CCHCR1: variants seen among roughly 807,000 people sequenced by gnomAD.
CCHCR1 encodes coiled-coil alpha-helical rod protein 1, also known as HCR (a-helix coiled-coil rod homologue).
In CCHCR1, 91 loss-of-function variants were observed where a neutral mutation model predicts 114.6. That is an observed-to-expected ratio of 0.79 (90% CI 0.67 to 0.94). CCHCR1 has a LOEUF of 0.94. CCHCR1 is among the 40% of genes least tolerant of loss of function. CCHCR1 has a pLI of 0.00. For synonymous variants in CCHCR1, 379 were observed against 428.5 expected (o/e 0.88, Z 1.43); for missense variants, 899 against 1,079.9 (o/e 0.83, Z 2.35).
At position 31,156,905 on chromosome 6, in the gene CCHCR1, C is replaced by A; in HGVS notation, c.323G>T (p.Arg108Leu). The change falls in exon 3 of 18, where the codon CGG becomes CTG. Residue 108 changes from arginine (R) to leucine (L), a missense_variant. By Grantham distance (102) the Arg-to-Leu change is moderately radical (BLOSUM62 -2). Transcript: ENST00000396268. ...CATTCTTGGCAGAGTTGAAAGGGGC[C>A]GAGCTTGAAAGTGGGAGGGGGGAAT... is the stretch of plus-strand genomic sequence containing the variant. ...GLIPPSHFQA[R>L]PLSTLPRMAP... The A allele has an allele frequency of 6.2e-7, 1 of 1,612,812 alleles. No homozygotes were observed. The highest frequency in any genetic ancestry group is 2.2e-5 in the East Asian group (1 of 44,884).
rs1775637493 is a variant in CCHCR1 at position 31,154,028 on chromosome 6, C to A, written c.801+468G>T. Among the ~76,000 whole-genome samples, 1 of 152,196 alleles carries A rather than the reference C, an allele frequency of 6.6e-6. No individual in the cohort carries two copies. The highest frequency in any genetic ancestry group is 1.5e-5 in the Non-Finnish European group (1 of 68,046). ...ATTAAATGTGGATGTGTATATCCCC[C>A]ACGAGGCTGTCAGTTCCATCCACGA... On this transcript the variant is annotated intron_variant, in intron 4 of 17. Coordinates refer to ENST00000396268, the MANE Select transcript of CCHCR1 (RefSeq NM_001105564.2). This position sits in a 1 kb window ranked among gnomAD's most constrained non-coding sequence, Gnocchi z 4.1.
rs765471786 is a variant in CCHCR1, at chr6:31,154,464, T to C, written c.801+32A>G. Reference sequence around the variant, plus strand: ...GAAGCTACTGCCCAGCTCTCCGTTATGAATTTGAATCCTTTCTACCCCTGC... The same window carrying C: ...GAAGCTACTGCCCAGCTCTCCGTTACGAATTTGAATCCTTTCTACCCCTGC... On this transcript the variant is annotated intron_variant, in intron 4 of 17. Transcript: ENST00000396268. The surrounding 1 kb of genome is among the most constrained non-coding windows in gnomAD (Gnocchi z 4.1). 37 of 1,568,912 alleles carry C rather than the reference T, an allele frequency of 2.4e-5. No homozygotes were observed. The South Asian group carries it at 4.2e-4, about 18-fold the overall frequency.
intron 8 of CCHCR1, among the ~76,000 whole-genome samples, 185 bp downstream of exon 8, chr6:31,149,881 T>C (rs1327093230): frequency 1.3e-5 from 2 of 152,206 alleles, no homozygotes; most frequent in Admixed American, 6.5e-5. Context: ...TTACCCAACA[T>C]TATCTGTTTA....
Position 31,151,216 on chromosome 6 carries a change from G to T in CCHCR1, c.802-94C>A. 3 of 1,375,142 alleles carry T rather than the reference G, an allele frequency of 2.2e-6. No homozygotes were observed. The highest frequency in any genetic ancestry group is 2.8e-5 in the South Asian group (2 of 72,640). The allele number at this position is 1,375,142 out of a possible 1,614,324, so 85.2% of individuals were successfully genotyped here. A position where few individuals can be genotyped will look rare whatever the true frequency, so the allele number is the denominator to read the frequency against. ...CCCACTTTCTGTGACCTTAGAGAAT[G>T]ACCCAACCAATCAGCCAACTGTGCA... On this transcript the variant is annotated intron_variant, in intron 4 of 17. Transcript: ENST00000396268. This position sits in a 1 kb window ranked among gnomAD's most constrained non-coding sequence, Gnocchi z 4.1.
At chr6:31,145,911 A>G in intron 10 of CCHCR1, 103 bp from the exon 11 acceptor site, 2 of 704,224 alleles carry the variant, frequency 2.8e-6, no homozygotes, top group Admixed American at 2.3e-5. Flanking sequence ...CCCATTATAC[A>G]AGTACAGAAC....
Position 31,148,391 on chromosome 6 carries a change from T to A in CCHCR1, c.1580+14A>T. 47 of 1,460,286 alleles carry A rather than the reference T, an allele frequency of 3.2e-5. No individual in the cohort carries two copies. The highest frequency in any genetic ancestry group is 4.1e-5 in the Non-Finnish European group (43 of 1,049,910). 90.5% of individuals were successfully genotyped at this position (1,460,286 alleles called of 1,614,324 possible). A position where few individuals can be genotyped will look rare whatever the true frequency, so the allele number is the denominator to read the frequency against. ...GCAGAAACACTACTCCACCCACCCCTCCATCCCTGATACCTGCTGACAGCA... is the reference window on the plus strand; with the variant it reads ...GCAGAAACACTACTCCACCCACCCCACCATCCCTGATACCTGCTGACAGCA... On this transcript the variant is annotated intron_variant, in intron 10 of 17. Coordinates refer to ENST00000396268, the MANE Select transcript of CCHCR1 (RefSeq NM_001105564.2).
intron 3 of CCHCR1, 49 bp downstream of exon 3, chr6:31,156,682 A>G (rs760865845): frequency 2.0e-6 from 3 of 1,488,786 alleles, no homozygotes; most frequent in East Asian, 2.3e-5. Flanking sequence ...CCAGTGAGGA[A>G]GGGTCACTAG....
At chr6:31,146,277 G>A (rs980224964) in intron 10 of CCHCR1, among the ~76,000 whole-genome samples, 62 of 152,136 alleles carry the variant, frequency 4.1e-4, no homozygotes, top group African/African-American at 1.3e-3. Context: ...CCTAGGAGGT[G>A]GAGGTTCCAG....
At chr6:31,147,555 AGTT>A (rs1357712902) in intron 10 of CCHCR1, among the ~76,000 whole-genome samples, 1 of 152,206 alleles carries the variant, frequency 6.6e-6, no homozygotes, top group Non-Finnish European at 1.5e-5. Context: ...ACAACTAGGA[AGTT>A]GGTAGGAGAG....
intron 3 of CCHCR1, among the ~76,000 whole-genome samples, chr6:31,155,600 T>A (rs143166791): frequency 0.065 from 903 of 13,950 alleles, 28 homozygotes; most frequent in East Asian, 0.27. Flanking sequence ...TGAGACTCCA[T>A]CTCAAAAAAA....
rs1775755064 is a variant in CCHCR1, at chr6:31,154,789, G to A, written c.508C>T (p.Leu170=). 1.2e-6 allele frequency: 2 copies of A among 1,602,728 alleles called. No homozygotes were observed. Among genetic ancestry groups the A allele is most frequent in the Admixed American group, 1.7e-5 (1 of 59,904 alleles). The change falls in exon 4 of 18, where the codon CTG becomes TTG. Residue 170 remains leucine (L), a synonymous_variant. Coordinates refer to ENST00000396268, the MANE Select transcript of CCHCR1 (RefSeq NM_001105564.2). The surrounding 1 kb of genome is among the most constrained non-coding windows in gnomAD (Gnocchi z 4.1). ...EPGRRGRSWG[L]EGSQALSQQA... is the part of the protein sequence containing the mutation. The stretch of plus-strand genomic sequence containing the variant: ...TGGCTCAGGGCCTGTGACCCCTCCA[G>A]CCCCCAGGACCTTCAAAGACAGGTT...
In CCHCR1 at chr6:31,143,796, C is replaced by T. The variant is rs114051577; in HGVS notation, c.2168-383G>A. Among the ~76,000 whole-genome samples, 266 of 152,312 alleles carry T rather than the reference C, an allele frequency of 1.7e-3. 1 individual carries two copies. Among genetic ancestry groups the T allele is most frequent in the African/African-American group, 6.2e-3 (259 of 41,572 alleles). On this transcript the variant is annotated intron_variant, in intron 15 of 17. Transcript: ENST00000396268. The surrounding 1 kb of genome is among the most constrained non-coding windows in gnomAD (Gnocchi z 5.3). ...TACAACTTACTTAGGCGTGGTGGCT[C>T]ACGCCTATAATCCCAGCACTTTGGG...
At chr6:31,155,830 T>C (rs1280665463) in intron 3 of CCHCR1, among the ~76,000 whole-genome samples, 1 of 152,156 alleles carries the variant, frequency 6.6e-6, no homozygotes, top group African/African-American at 2.4e-5. Flanking sequence ...CACCCAGGCC[T>C]CAATGCAGTG....
chr6:31,153,946 G>A (rs1295735107), intron 4 of CCHCR1, among the ~76,000 whole-genome samples: 1 of 152,176 alleles, frequency 6.6e-6, no homozygotes, highest in Non-Finnish European at 1.5e-5. Flanking sequence ...CTAAGTTAGT[G>A]CTTTCTAGTC....
At chr6:31,153,256 G>GA (rs1316297824) in intron 4 of CCHCR1, among the ~76,000 whole-genome samples, 2 of 152,120 alleles carry the variant, frequency 1.3e-5, no homozygotes, top group Non-Finnish European at 2.9e-5. Flanking sequence ...TTACAGGCAT[G>GA]AGCCACTGTG....
rs771049178 is a variant in CCHCR1, at chr6:31,150,530, G to C, written c.1137C>G (p.Thr379=). ...LQEDRDSLHA[T]AELLQVRVQS... ...GCACCCGCACCTGCAGCAGCTCCGC[G>C]GTGGCATGCAGGCTGTCCCGGTCCT... Residue 379 remains threonine, a synonymous_variant, in exon 7 of 18, where the codon ACC becomes ACG. Transcript: ENST00000396268. The surrounding 1 kb of genome is among the most constrained non-coding windows in gnomAD (Gnocchi z 5.3). 2 of 1,612,288 alleles carry C rather than the reference G, an allele frequency of 1.2e-6. No individual in the cohort carries two copies.
chr6:31,142,939 G>A, intron 17 of CCHCR1, 24 bp downstream of exon 17: 1 of 1,607,530 alleles, frequency 6.2e-7, no homozygotes, highest in Non-Finnish European at 8.5e-7. Context: ...TTTGTCCCTT[G>A]TCCCTTTGTG....
Position 31,145,716 on chromosome 6 carries a change from C to G in CCHCR1, c.1673G>C (p.Arg558Pro), listed in dbSNP as rs762611519. 6.2e-7 allele frequency: 1 copy of G among 1,613,082 alleles called. No individual in the cohort carries two copies. ...CGCACCCCGAATGGTGTGGACCTTG[C>G]GGACAGCATAGCTGAGTCGGTTGTT... is the stretch of plus-strand genomic sequence containing the variant. ...SLNNRLSYAVRKVHTIRGLIA... is the reference protein window; with the variant it reads ...SLNNRLSYAVPKVHTIRGLIA... The change falls in exon 11 of 18, where the codon CGC (arginine) becomes CCC (proline). Residue 558 changes from arginine to proline, a missense_variant. Coordinates refer to ENST00000396268, the MANE Select transcript of CCHCR1 (RefSeq NM_001105564.2).
At chr6:31,147,901 C>T (rs1426963723) in intron 10 of CCHCR1, among the ~76,000 whole-genome samples, 5 of 152,068 alleles carry the variant, frequency 3.3e-5, no homozygotes, top group Non-Finnish European at 7.4e-5. Flanking sequence ...ATCACTTGAA[C>T]CAGGGAGGTG....
Sources: allele counts gnomAD v4.1 joint callset (sites outside exome capture counted in the v4.1 genomes callset), GRCh38; gene constraint gnomAD v4.1.1; non-coding constraint Gnocchi (gnomAD v3.1); transcripts MANE v1.5; gene names NCBI Gene and HGNC (gene_info 2026-07-23, HGNC 2026-07-21).